CACNG3: variants seen among roughly 807,000 people sequenced by gnomAD.
CACNG3 encodes calcium voltage-gated channel auxiliary subunit gamma 3.
Under a neutral mutation model 28.5 loss-of-function variants are expected in CACNG3, and 3 were observed. That is an observed-to-expected ratio of 0.11 (90% confidence interval 0.05 to 0.27). The LOEUF is 0.27. Ranked by LOEUF, CACNG3 falls within the 10% of genes least tolerant of loss-of-function variation. The probability of loss-of-function intolerance (pLI) is 1.00; values close to 1 mark genes in which losing one functional copy is unlikely to be tolerated. For missense variants in CACNG3, 236 were observed against 414.4 expected (o/e 0.57, Z 3.74); for synonymous variants, 174 against 162.2 (o/e 1.07, Z -0.55).
intron 1 of CACNG3, among the ~76,000 whole-genome samples, chr16:24,317,554 A>C (rs541997626): frequency 2.3e-5 from 2 of 85,328 alleles, no homozygotes; most frequent in African/African-American, 9.1e-5. Flanking sequence ...AAAAAAAAGA[A>C]AAAGAAAGAA....
intron 1 of CACNG3, among the ~76,000 whole-genome samples, chr16:24,324,584 C>G (rs895832975): frequency 5.8e-4 from 89 of 152,210 alleles, no homozygotes; most frequent in African/African-American, 2.1e-3. Flanking sequence ...CACCCCAGAT[C>G]ATTCTCCATC....
Position 24,355,421 on chromosome 16 carries a change from G to T in CACNG3, c.436+448G>T, listed in dbSNP as rs1461207402. 5.3e-5 allele frequency among the ~76,000 whole-genome samples: 8 copies of T among 152,092 alleles called. No homozygotes were observed. The East Asian group carries it at 1.6e-3, about 30-fold the overall frequency. ...GACCCTCATCTCTACAAAAAACAAT[G>T]TTAATTAAAAAATTAGCTGGGTGTG... On this transcript the variant is annotated intron_variant, in intron 3 of 3. Transcript: ENST00000005284.
chr16:24,267,332 G>A (rs533029513), intron 1 of CACNG3, among the ~76,000 whole-genome samples: 5 of 152,068 alleles, frequency 3.3e-5, no homozygotes, highest in Non-Finnish European at 7.3e-5. Context: ...CTATTGCCCA[G>A]GCTGAAGTTC....
Position 24,361,223 on chromosome 16 carries a change from T to G in CACNG3, c.437-129T>G. ...ATGCAAGAAGAACTAGGTGGTTGGA[T>G]TTCCCAGCTATAATCCATTCTCCTC... On this transcript the variant is annotated intron_variant, in intron 3 of 3. Transcript: ENST00000005284. The surrounding 1 kb of genome is among the most constrained non-coding windows in gnomAD (Gnocchi z 6.8). The G allele has an allele frequency of 1.3e-6, 1 of 742,154 alleles. No individual in the cohort carries two copies. Among genetic ancestry groups the G allele is most frequent in the Non-Finnish European group, 2.2e-6 (1 of 450,006 alleles). 46.0% of individuals were successfully genotyped at this position (742,154 alleles called of 1,614,324 possible). A position where few individuals can be genotyped will look rare whatever the true frequency, so the allele number is the denominator to read the frequency against.
chr16:24,298,567 C>T (rs1165457424), intron 1 of CACNG3, among the ~76,000 whole-genome samples: 7 of 152,126 alleles, frequency 4.6e-5, no homozygotes, highest in Admixed American at 2.6e-4. Flanking sequence ...AGTTCCTGCC[C>T]ACATCCAGTT....
At chr16:24,258,218 T>A (rs904515554) in intron 1 of CACNG3, among the ~76,000 whole-genome samples, 1 of 152,228 alleles carries the variant, frequency 6.6e-6, no homozygotes, top group South Asian at 2.1e-4. Flanking sequence ...CACTTGCCAG[T>A]GTAATATTGC....
At chr16:24,310,141 C>T (rs1363685343) in intron 1 of CACNG3, among the ~76,000 whole-genome samples, 1 of 152,090 alleles carries the variant, frequency 6.6e-6, no homozygotes, top group African/African-American at 2.4e-5. Context: ...GGAAGGATTC[C>T]GAAGAGAGAC....
At chr16:24,317,553 A>G (rs1352011062) in intron 1 of CACNG3, among the ~76,000 whole-genome samples, 3 of 118,126 alleles carry the variant, frequency 2.5e-5, no homozygotes, top group African/African-American at 1.0e-4. Flanking sequence ...AAAAAAAAAG[A>G]AAAAGAAAGA....
chr16:24,325,067 G>T (rs145653846), intron 1 of CACNG3, among the ~76,000 whole-genome samples: 1 of 152,106 alleles, frequency 6.6e-6, no homozygotes. Flanking sequence ...TCATGCCTGC[G>T]GAGCCACAGT....
chr16:24,272,619 A>T (rs1426773991), intron 1 of CACNG3, among the ~76,000 whole-genome samples: 1 of 152,078 alleles, frequency 6.6e-6, no homozygotes, highest in Non-Finnish European at 1.5e-5. Context: ...ATCTTCCTAC[A>T]ATTATCTCAC....
intron 1 of CACNG3, among the ~76,000 whole-genome samples, chr16:24,335,637 T>A (rs79634065): frequency 3.3e-5 from 5 of 152,072 alleles, no homozygotes; most frequent in Non-Finnish European, 5.9e-5. Context: ...CCGCTCATTC[T>A]GGCTCCAAAA....
intron 2 of CACNG3, among the ~76,000 whole-genome samples, chr16:24,353,403 A>C (rs1450860015): frequency 1.3e-5 from 2 of 152,226 alleles, no homozygotes; most frequent in African/African-American, 2.4e-5. Context: ...TGAGCACAGA[A>C]TTTATTCAGC....
intron 1 of CACNG3, among the ~76,000 whole-genome samples, chr16:24,259,880 G>T (rs1171345495): frequency 6.6e-6 from 1 of 152,160 alleles, no homozygotes; most frequent in African/African-American, 2.4e-5. Context: ...TTCTCATGAG[G>T]AACTTTTAAA....
At position 24,361,911 on chromosome 16, in the gene CACNG3, T is replaced by C. The variant is rs1462448444; in HGVS notation, c.*48T>C. On this transcript the variant is annotated 3_prime_UTR_variant, in exon 4 of 4. Coordinates refer to ENST00000005284, the MANE Select transcript of CACNG3 (RefSeq NM_006539.4). The surrounding 1 kb of genome is among the most constrained non-coding windows in gnomAD (Gnocchi z 6.8). ...ACGCCCAGCACAGCCTTGGGGGAAG[T>C]GTACAGAGATGTCTCTGAGGTTGCA... 1.3e-6 allele frequency: 2 copies of C among 1,512,284 alleles called. No homozygotes were observed. 93.7% of individuals were successfully genotyped at this position (1,512,284 alleles called of 1,614,324 possible). A position where few individuals can be genotyped will look rare whatever the true frequency, so the allele number is the denominator to read the frequency against.
intron 1 of CACNG3, among the ~76,000 whole-genome samples, chr16:24,313,725 G>A (rs1336548103): frequency 6.6e-6 from 1 of 151,914 alleles, no homozygotes; most frequent in East Asian, 1.9e-4. Flanking sequence ...CTCCCAAAGT[G>A]ACTTTTATGT....
intron 1 of CACNG3, among the ~76,000 whole-genome samples, chr16:24,310,301 C>T (rs368259858): frequency 5.9e-5 from 9 of 152,336 alleles, no homozygotes; most frequent in East Asian, 3.9e-4. Flanking sequence ...CAGTGGCTCA[C>T]GCCTGTAATC....
intron 1 of CACNG3, among the ~76,000 whole-genome samples, chr16:24,299,312 G>T (rs1316454080): frequency 2.6e-5 from 4 of 152,008 alleles, no homozygotes; most frequent in Admixed American, 6.6e-5. Context: ...TGCTCAAATT[G>T]TTCCACCTTC....
intron 1 of CACNG3, among the ~76,000 whole-genome samples, chr16:24,279,813 G>A (rs1448896660): frequency 2.0e-5 from 3 of 152,158 alleles, no homozygotes; most frequent in African/African-American, 4.8e-5. Context: ...CCTTTGGATG[G>A]ACAGTGATCC....
At chr16:24,317,610 GAAA>G (rs1899378967) in intron 1 of CACNG3, among the ~76,000 whole-genome samples, 3 of 66,590 alleles carry the variant, frequency 4.5e-5, no homozygotes, top group African/African-American at 6.9e-5. Context: ...AAGAAAGAAA[GAAA>G]GAAAGAAAGA....
Sources: gnomAD v4.1 joint callset for allele counts (sites outside exome capture counted in the v4.1 genomes callset) on GRCh38, gnomAD v4.1.1 for gene constraint, Gnocchi (gnomAD v3.1) non-coding constraint, MANE v1.5 for transcripts, NCBI Gene and HGNC (gene_info 2026-07-23, HGNC 2026-07-21) for gene names.